The following CNTN5 variants were observed in gnomAD, a reference collection of about 807,000 sequenced individuals.
CNTN5 encodes the protein contactin-5.
A neutral mutation model predicts 129.1 loss-of-function variants in CNTN5; 77 were observed. The ratio of observed to expected loss-of-function variants is 0.60; its 90% confidence interval spans 0.50 to 0.72. The LOEUF is 0.72. Ranked by LOEUF, CNTN5 falls within the 30% of genes least tolerant of loss-of-function variation. The probability of loss-of-function intolerance (pLI) is 0.00; values close to 1 mark genes in which losing one functional copy is unlikely to be tolerated. For synonymous variants in CNTN5, 509 were observed against 465.6 expected, an observed-to-expected ratio of 1.09 and a Z score of -1.20; for missense variants, 1,478 against 1,328.8, an observed-to-expected ratio of 1.11 and a Z score of -1.75.
intron 3 of CNTN5, among the ~76,000 whole-genome samples, chr11:99,727,321 A>AAAAAAAAAAAAAAAAAAAAAAAAAAAAAG (rs1319837016): frequency 1.6e-5 from 2 of 123,468 alleles, no homozygotes; most frequent in Non-Finnish European, 3.5e-5. Context: ...TCAAAAAAAA[A>AAAAAAAAAAAAAAAAAAAAAAAAAAAAAG]AAAAAAAAAA....
intron 1 of CNTN5, among the ~76,000 whole-genome samples, chr11:99,164,036 G>A (rs1428413770): frequency 6.6e-6 from 1 of 152,134 alleles, no homozygotes; most frequent in Non-Finnish European, 1.5e-5. Flanking sequence ...AAAAAAATGT[G>A]TTGCAATTGG....
At chr11:100,041,582 A>T (rs1363401490) in intron 9 of CNTN5, among the ~76,000 whole-genome samples, 2 of 152,122 alleles carry the variant, frequency 1.3e-5, no homozygotes, top group African/African-American at 4.8e-5. Flanking sequence ...GGATACAAGG[A>T]TTTTCTCTGG....
At chr11:99,579,947 G>A (rs1949511858) in intron 3 of CNTN5, among the ~76,000 whole-genome samples, 1 of 150,798 alleles carries the variant, frequency 6.6e-6, no homozygotes, top group African/African-American at 2.4e-5. Flanking sequence ...TGCCCATTCA[G>A]TATGATATTG....
At chr11:99,595,844 T>C (rs1164392833) in intron 3 of CNTN5, among the ~76,000 whole-genome samples, 3 of 152,060 alleles carry the variant, frequency 2.0e-5, no homozygotes, top group Non-Finnish European at 4.4e-5. Flanking sequence ...TATTGAACTT[T>C]AGTGTGGTGC....
At position 99,355,942 on chromosome 11, in the gene CNTN5, T is replaced by A. The variant is rs544635056; in HGVS notation, c.-71+30458T>A. On this transcript the variant is annotated intron_variant, in intron 2 of 24. Transcript: ENST00000524871. ...CTTGGGTTCATGCCATTCTTCTGCC[T>A]CAGCCTCCCAAGTAGCTGGGACTAC... Among the ~76,000 whole-genome samples the A allele has an allele frequency of 4.6e-5, 7 of 151,776 alleles. No individual in the cohort carries two copies. In the South Asian group the frequency reaches 1.5e-3, roughly 32 times the overall value.
intron 3 of CNTN5, among the ~76,000 whole-genome samples, chr11:99,573,444 C>G (rs895417883): frequency 2.0e-5 from 3 of 151,878 alleles, no homozygotes; most frequent in Admixed American, 1.3e-4. Flanking sequence ...GTGGCAGGCG[C>G]CTGTAGTCCC....
chr11:99,881,732 C>T (rs1948777672), intron 6 of CNTN5, among the ~76,000 whole-genome samples: 1 of 152,192 alleles, frequency 6.6e-6, no homozygotes. Flanking sequence ...GGTACAGAAG[C>T]TGCTAGTGCT....
chr11:100,197,053 T>C (rs578081992), intron 15 of CNTN5, among the ~76,000 whole-genome samples: 3 of 151,888 alleles, frequency 2.0e-5, no homozygotes, highest in Non-Finnish European at 2.9e-5. Context: ...TTAGAAGGGG[T>C]TGGTATTTGA....
chr11:100,197,076 C>T (rs74462616), intron 15 of CNTN5, among the ~76,000 whole-genome samples: 8,364 of 151,890 alleles, frequency 0.055, 406 homozygotes, highest in Middle Eastern at 0.16. Flanking sequence ...TGGACCTGGC[C>T]TCAGATCCAT....
At chr11:99,806,783 G>A (rs1433719673) in intron 3 of CNTN5, among the ~76,000 whole-genome samples, 2 of 149,098 alleles carry the variant, frequency 1.3e-5, no homozygotes, top group African/African-American at 2.5e-5. Context: ...TTCCAGCCTG[G>A]GCGACAGAGC....
At chr11:99,886,359 T>G (rs1406861897) in intron 6 of CNTN5, among the ~76,000 whole-genome samples, 1 of 152,134 alleles carries the variant, frequency 6.6e-6, no homozygotes, top group Non-Finnish European at 1.5e-5. Context: ...TGTAAGTATG[T>G]ATATATTTTA....
intron 1 of CNTN5, among the ~76,000 whole-genome samples, chr11:99,179,535 A>C (rs552272932): frequency 3.2e-4 from 48 of 152,340 alleles, no homozygotes; most frequent in African/African-American, 1.2e-3. Context: ...GTTCATATAG[A>C]TATTTCTAAA....
At chr11:99,465,740 C>T (rs182326151) in intron 2 of CNTN5, among the ~76,000 whole-genome samples, 3 of 151,902 alleles carry the variant, frequency 2.0e-5, no homozygotes, top group African/African-American at 7.2e-5. Context: ...CTTATGGTGC[C>T]GCAGGCTGCA....
chr11:99,485,980 T>C (rs1945796336), intron 2 of CNTN5, among the ~76,000 whole-genome samples: 1 of 152,054 alleles, frequency 6.6e-6, no homozygotes, highest in Non-Finnish European at 1.5e-5. Context: ...ACAATACGCT[T>C]ACAATTAATA....
chr11:99,023,713 G>A (rs577652933), intron 1 of CNTN5, among the ~76,000 whole-genome samples: 2 of 152,068 alleles, frequency 1.3e-5, no homozygotes, highest in African/African-American at 4.8e-5. Flanking sequence ...GTAATTTGCC[G>A]AATCCATTCT....
chr11:100,187,152 C>T (rs1164777536), intron 13 of CNTN5, among the ~76,000 whole-genome samples: 2 of 152,028 alleles, frequency 1.3e-5, no homozygotes, highest in Non-Finnish European at 2.9e-5. Flanking sequence ...AATTTTTTTG[C>T]AGCTATTGTA....
intron 6 of CNTN5, among the ~76,000 whole-genome samples, chr11:99,851,712 T>C (rs1179335369): frequency 6.6e-6 from 1 of 152,238 alleles, no homozygotes; most frequent in Non-Finnish European, 1.5e-5. Context: ...GTGATTTAGA[T>C]CCAGAATATT....
At chr11:99,119,765 G>A (rs972873818) in intron 1 of CNTN5, among the ~76,000 whole-genome samples, 1 of 151,842 alleles carries the variant, frequency 6.6e-6, no homozygotes, top group Non-Finnish European at 1.5e-5. Flanking sequence ...CAACATATTA[G>A]CATTATTTTT....
intron 3 of CNTN5, among the ~76,000 whole-genome samples, chr11:99,559,599 C>T (rs1468885915): frequency 6.6e-6 from 1 of 152,146 alleles, no homozygotes; most frequent in African/African-American, 2.4e-5. Flanking sequence ...CTCTCATTGA[C>T]AGTGAGAATT....
Sources: gnomAD v4.1 joint callset for allele counts (sites outside exome capture counted in the v4.1 genomes callset) on GRCh38, gnomAD v4.1.1 for gene constraint, MANE v1.5 for transcripts, NCBI Gene and HGNC (gene_info 2026-07-23, HGNC 2026-07-21) for gene names.